The following CTXN3 variants were observed in gnomAD, a reference collection of about 807,000 sequenced individuals.
CTXN3 encodes the protein cortexin 3.
A neutral mutation model predicts 5.0 loss-of-function variants in CTXN3; 4 were observed. The observed-to-expected ratio is 0.79, with a 90% CI of 0.39 to 1.82. The LOEUF is 1.82. Among genes scored for constraint, CTXN3 ranks in the 40% most tolerant of loss-of-function variants. The probability of loss-of-function intolerance (pLI) is 0.04; values close to 1 mark genes in which losing one functional copy is unlikely to be tolerated. For missense variants in CTXN3, 89 were observed against 99.7 expected, an observed-to-expected ratio of 0.89 and a Z score of 0.46; for synonymous variants, 48 against 38.6, an observed-to-expected ratio of 1.24 and a Z score of -0.91.
intron 2 of CTXN3, among the ~76,000 whole-genome samples, chr5:127,655,297 C>T (rs1212529916): frequency 1.3e-5 from 2 of 152,120 alleles, no homozygotes; most frequent in Non-Finnish European, 2.9e-5. Flanking sequence ...AAAATGCATA[C>T]CTGTCTCGGC....
chr5:127,652,015 A>T (rs2126740550), intron 1 of CTXN3, among the ~76,000 whole-genome samples: 1 of 152,342 alleles, frequency 6.6e-6, no homozygotes, highest in East Asian at 1.9e-4. Context: ...AGGATATTTT[A>T]AATGGCTGCC....
intron 2 of CTXN3, among the ~76,000 whole-genome samples, chr5:127,656,434 A>G (rs1749908761): frequency 6.6e-6 from 1 of 152,074 alleles, no homozygotes; most frequent in South Asian, 2.1e-4. Flanking sequence ...CTTCCTCTCT[A>G]CTGAATAGTC....
intron 2 of CTXN3, among the ~76,000 whole-genome samples, chr5:127,656,959 C>T (rs1416689956): frequency 6.6e-6 from 1 of 152,170 alleles, no homozygotes; most frequent in African/African-American, 2.4e-5. Context: ...TAAAGAGATC[C>T]CTGCTTTCGT....
intron 1 of CTXN3, among the ~76,000 whole-genome samples, chr5:127,652,025 C>T (rs1749796423): frequency 6.6e-6 from 1 of 151,942 alleles, no homozygotes. Flanking sequence ...AAATGGCTGC[C>T]CTTCCCCACC....
chr5:127,654,756 G>A (rs1484735086), intron 2 of CTXN3, among the ~76,000 whole-genome samples: 4 of 152,158 alleles, frequency 2.6e-5, no homozygotes, highest in African/African-American at 4.8e-5. Flanking sequence ...GGAGATCCCC[G>A]GTGGGAAGGG....
chr5:127,656,899 G>A (rs1749919991), intron 2 of CTXN3, among the ~76,000 whole-genome samples: 1 of 152,156 alleles, frequency 6.6e-6, no homozygotes. Flanking sequence ...TCCTGGAGAA[G>A]GTTTCTATTT....
chr5:127,649,756 A>G (rs1349650340), intron 1 of CTXN3, among the ~76,000 whole-genome samples: 4 of 152,040 alleles, frequency 2.6e-5, no homozygotes, highest in Admixed American at 2.0e-4. Context: ...AAATGTAACA[A>G]GGATGTTCTG....
In CTXN3 at chr5:127,653,398, A is replaced by T. The variant is rs980087611; in HGVS notation, c.-125A>T. 1 of 152,230 alleles carries T rather than the reference A, an allele frequency of 6.6e-6. No individual in the cohort carries two copies. The highest frequency in any genetic ancestry group is 2.4e-5 in the African/African-American group (1 of 41,456). The allele number at this position is 152,230 out of a possible 1,614,324, so 9.4% of individuals were successfully genotyped here. On this transcript the variant is annotated 5_prime_UTR_variant, in exon 2 of 3. Transcript: ENST00000379445. ...ACACAGATGTACTGCGTGATGAGGAAAGCCTATCAGGATTAAAATATGGCT... is the reference window on the plus strand; with the variant it reads ...ACACAGATGTACTGCGTGATGAGGATAGCCTATCAGGATTAAAATATGGCT...
chr5:127,650,462 G>A (rs1165484579), intron 1 of CTXN3, among the ~76,000 whole-genome samples: 1 of 152,084 alleles, frequency 6.6e-6, no homozygotes, highest in Non-Finnish European at 1.5e-5. Flanking sequence ...GGAACAGGAG[G>A]GCTGTACTTG....
chr5:127,656,712 CTTTG>C (rs963722953), intron 2 of CTXN3, among the ~76,000 whole-genome samples: 6 of 152,138 alleles, frequency 3.9e-5, no homozygotes, highest in Non-Finnish European at 7.3e-5. Context: ...CAACACTTGG[CTTTG>C]TTTGTTTTTC....
At chr5:127,656,246 A>G (rs1561421843) in intron 2 of CTXN3, among the ~76,000 whole-genome samples, 1 of 152,124 alleles carries the variant, frequency 6.6e-6, no homozygotes. Flanking sequence ...TTACGATGTG[A>G]TTTAAGTAGA....
At chr5:127,655,176 T>A (rs1749878938) in intron 2 of CTXN3, among the ~76,000 whole-genome samples, 1 of 152,120 alleles carries the variant, frequency 6.6e-6, no homozygotes, top group Non-Finnish European at 1.5e-5. Flanking sequence ...GGCAGGAGAA[T>A]CACTTGAACC....
chr5:127,655,207 G>A (rs1474380467), intron 2 of CTXN3, among the ~76,000 whole-genome samples: 1 of 152,160 alleles, frequency 6.6e-6, no homozygotes, highest in Non-Finnish European at 1.5e-5. Context: ...AGGTTGTGGT[G>A]AGCTGAGATC....
rs550289767 is a variant in CTXN3 at position 127,650,381 on chromosome 5, T to C, written c.-207+993T>C. ...AGGCTTTCTAGTAGACTTGAGTCTA[T>C]GTTTTGAGAGTATAAAATATATTTA... On this transcript the variant is annotated intron_variant, in intron 1 of 2. Transcript: ENST00000379445. Among the ~76,000 whole-genome samples the C allele has an allele frequency of 2.6e-5, 4 of 152,316 alleles. No homozygotes were observed. In the East Asian group the frequency reaches 7.7e-4, roughly 29 times the overall value.
Position 127,657,712 on chromosome 5 carries a change from G to C in CTXN3, c.191G>C (p.Trp64Ser). ...DPYRSMPTSTWADGLEGLEKG... is the reference protein window; with the variant it reads ...DPYRSMPTSTSADGLEGLEKG... ...TATCGAAGCATGCCAACCTCTACCTGGGCTGATGGACTTGAAGGCCTGGAG... is the reference window on the plus strand; with the variant it reads ...TATCGAAGCATGCCAACCTCTACCTCGGCTGATGGACTTGAAGGCCTGGAG... Residue 64 changes from tryptophan to serine, a missense_variant, in exon 3 of 3, where the codon TGG becomes TCG. Trp to Ser is a radical substitution (Grantham distance 177). Coordinates refer to ENST00000379445, the MANE Select transcript of CTXN3 (RefSeq NM_001048252.3). 4 of 1,614,136 alleles carry C rather than the reference G, an allele frequency of 2.5e-6. No homozygotes were observed. Among genetic ancestry groups the C allele is most frequent in the Non-Finnish European group, 3.4e-6 (4 of 1,180,026 alleles).
At chr5:127,657,374 T>C (rs1749932716) in intron 2 of CTXN3, 49 bp from the exon 3 acceptor site, 2 of 829,134 alleles carry the variant, frequency 2.4e-6, no homozygotes, top group Non-Finnish European at 1.8e-6. Context: ...CCTAAAAAAA[T>C]AAGGCTGCTA....
At chr5:127,657,367 A>T in intron 2 of CTXN3, 56 bp from the exon 3 acceptor site, 3 of 788,926 alleles carry the variant, frequency 3.8e-6, no homozygotes, top group Non-Finnish European at 5.9e-6. Context: ...CTGTGAACCT[A>T]AAAAAATAAG....
chr5:127,657,432 C>A lies in CTXN3; in HGVS notation c.-90C>A. On this transcript the variant is annotated 5_prime_UTR_variant, in exon 3 of 3. Coordinates refer to ENST00000379445, the MANE Select transcript of CTXN3 (RefSeq NM_001048252.3). ...TCCTTTTTCCCTGCAGATAACTCAG[C>A]CTCTCCAGAGTGCAGCCACCATGAC... The A allele has an allele frequency of 6.9e-7, 1 of 1,456,446 alleles. No homozygotes were observed. Among genetic ancestry groups the A allele is most frequent in the South Asian group, 1.3e-5 (1 of 79,836 alleles). 90.2% of individuals were successfully genotyped at this position (1,456,446 alleles called of 1,614,324 possible). A position where few individuals can be genotyped will look rare whatever the true frequency, so the allele number is the denominator to read the frequency against.
At position 127,657,431 on chromosome 5, in the gene CTXN3, G is replaced by C; in HGVS notation, c.-91G>C. ...TTCCTTTTTCCCTGCAGATAACTCA[G>C]CCTCTCCAGAGTGCAGCCACCATGA... On this transcript the variant is annotated 5_prime_UTR_variant, in exon 3 of 3. Transcript: ENST00000379445. 9.0e-6 allele frequency: 13 copies of C among 1,450,924 alleles called. No individual in the cohort carries two copies. The highest frequency in any genetic ancestry group is 1.4e-5 in the African/African-American group (1 of 71,264). 89.9% of individuals were successfully genotyped at this position (1,450,924 alleles called of 1,614,324 possible). A position where few individuals can be genotyped will look rare whatever the true frequency, so the allele number is the denominator to read the frequency against.
Sources: allele counts gnomAD v4.1 joint callset (sites outside exome capture counted in the v4.1 genomes callset), GRCh38; gene constraint gnomAD v4.1.1; transcripts MANE v1.5; gene names NCBI Gene and HGNC (gene_info 2026-07-23, HGNC 2026-07-21).